OTOF: variants seen among roughly 807,000 people sequenced by gnomAD.
OTOF encodes fer-1-like family member 2.
In OTOF, 218 loss-of-function variants were observed where a neutral mutation model predicts 236.8. The ratio of observed to expected loss-of-function variants is 0.92; its 90% CI spans 0.82 to 1.03. The LOEUF is 1.03. Among genes scored for constraint, OTOF ranks in the 50% least tolerant of loss-of-function variants. OTOF has a pLI of 0.00. For missense variants in OTOF, 2,590 were observed against 2,694.4 expected, an observed-to-expected ratio of 0.96 and a Z score of 0.86; for synonymous variants, 1,041 against 1,072.5, an observed-to-expected ratio of 0.97 and a Z score of 0.57.
intron 39 of OTOF, among the ~76,000 whole-genome samples, 192 bp downstream of exon 39, chr2:26,464,677 A>AG (rs995635523): frequency 7.2e-5 from 11 of 152,028 alleles, no homozygotes; most frequent in African/African-American, 2.7e-4. Context: ...GCCCTGTAGG[A>AG]GGGGTGGAAG....
At chr2:26,468,910 G>C (rs1406386511) in intron 32 of OTOF, among the ~76,000 whole-genome samples, 1 of 152,108 alleles carries the variant, frequency 6.6e-6, no homozygotes, top group African/African-American at 2.4e-5. Context: ...GGTGGTGCTG[G>C]GGGAGAGGGG....
Position 26,461,769 on chromosome 2 carries a change from G to A in OTOF, c.5460C>T (p.Thr1820=), listed in dbSNP as rs148749290. The change falls in exon 43 of 47, where the codon ACC becomes ACT. Residue 1820 remains threonine, a synonymous_variant. Transcript: ENST00000272371. This position sits in a 1 kb window ranked among gnomAD's most constrained non-coding sequence, Gnocchi z 6.2. ...TGAGCCGCGCGGGGATCTTGTACTC[G>A]GTCTCGTCCCAGGAGAACATGGACT... ...KKESMFSWDE[T]EYKIPARLTL... 7.9e-5 allele frequency: 128 copies of A among 1,613,982 alleles called. No individual in the cohort carries two copies. Among genetic ancestry groups the A allele is most frequent in the Non-Finnish European group, 9.7e-5 (115 of 1,180,022 alleles).
At chr2:26,514,515 C>T (rs1666472184) in intron 5 of OTOF, among the ~76,000 whole-genome samples, 1 of 152,228 alleles carries the variant, frequency 6.6e-6, no homozygotes, top group South Asian at 2.1e-4. Flanking sequence ...GAGAAACTGG[C>T]TCTGTGTTGC....
chr2:26,470,900 AGT>A lies in OTOF; in HGVS notation c.3895-181_3895-180del, dbSNP rs1382358740. On this transcript the variant is annotated intron_variant, in intron 31 of 46. Transcript: ENST00000272371. This position sits in a 1 kb window ranked among gnomAD's most constrained non-coding sequence, Gnocchi z 4.3. ...ATGGAGAAGGTGCCACAGGCCACAG[AGT>A]GTTGTGACCTGCCAGTGCGATCCAC... is the stretch of plus-strand genomic sequence containing the variant. Among the ~76,000 whole-genome samples the A allele has an allele frequency of 1.3e-5, 2 of 152,092 alleles. No homozygotes were observed. The highest frequency in any genetic ancestry group is 2.9e-5 in the Non-Finnish European group (2 of 68,026).
intron 1 of OTOF, among the ~76,000 whole-genome samples, chr2:26,539,216 G>A (rs1667152689): frequency 6.6e-6 from 1 of 152,142 alleles, no homozygotes; most frequent in Admixed American, 6.5e-5. Context: ...GGATGGGATG[G>A]AACCACAAGA....
rs61740776 is a variant in OTOF, at chr2:26,473,257, T to C, written c.3608A>G (p.Asn1203Ser). The C allele has an allele frequency of 2.9e-3, 4,665 of 1,613,348 alleles. 105 individuals are homozygous for C. The African/African-American group carries it at 0.055, about 19-fold the overall frequency. ...GGCCCGGCAGTCCACCACACGGATG[T>C]TCAAGGGCGGGTGCAGCAGCTCGTT... ...PENELLHPPLNIRVVDCRAFG... is the reference protein window; with the variant it reads ...PENELLHPPLSIRVVDCRAFG... Residue 1203 changes from asparagine to serine, a missense_variant, in exon 29 of 47, where the codon AAC becomes AGC. By Grantham distance (46) the Asn-to-Ser change is conservative (BLOSUM62 1). Transcript: ENST00000272371. This position sits in a 1 kb window ranked among gnomAD's most constrained non-coding sequence, Gnocchi z 7.2.
chr2:26,507,957 G>A (rs924203217), intron 5 of OTOF, among the ~76,000 whole-genome samples: 9 of 152,176 alleles, frequency 5.9e-5, no homozygotes, highest in Non-Finnish European at 1.2e-4. Context: ...GTGCACACAG[G>A]GTCCTAGGTA....
chr2:26,486,408 C>T (rs1475842700), intron 11 of OTOF, among the ~76,000 whole-genome samples: 2 of 150,820 alleles, frequency 1.3e-5, no homozygotes, highest in Non-Finnish European at 3.0e-5. Flanking sequence ...GTGGGTGGAT[C>T]TGTGGACAGG....
chr2:26,465,671 C>G lies in OTOF; in HGVS notation c.4799+1G>C, dbSNP rs200147906. 3.7e-6 allele frequency: 6 copies of G among 1,614,020 alleles called. No individual in the cohort carries two copies. The highest frequency in any genetic ancestry group is 1.7e-5 in the Admixed American group (1 of 60,018). ...CGCCCTCTGCCCCATGCCCCACATA[C>G]GTGGAGTAGGTCTGGGCGATGCCGC... On this transcript the variant is annotated splice_donor_variant, in intron 38 of 46. Transcript: ENST00000272371. LOFTEE classifies it high-confidence loss of function.
chr2:26,515,242 G>A (rs896765746), intron 5 of OTOF, among the ~76,000 whole-genome samples: 16 of 152,248 alleles, frequency 1.1e-4, no homozygotes, highest in African/African-American at 3.1e-4. Context: ...TGGGTTTTCT[G>A]CTAAAGAGCC....
At chr2:26,539,156 G>C (rs1341302450) in intron 1 of OTOF, among the ~76,000 whole-genome samples, 1 of 152,006 alleles carries the variant, frequency 6.6e-6, no homozygotes, top group African/African-American at 2.4e-5. Context: ...GTACAATTTC[G>C]CACAAGAAAC....
intron 1 of OTOF, among the ~76,000 whole-genome samples, chr2:26,552,695 G>A (rs1358939017): frequency 1.3e-5 from 2 of 151,754 alleles, no homozygotes; most frequent in South Asian, 2.1e-4. Context: ...TCACTACGTG[G>A]GGCATTAGGC....
In OTOF at chr2:26,470,923, T is replaced by A. The variant is rs572836698; in HGVS notation, c.3894+198A>T. Among the ~76,000 whole-genome samples, 2 of 152,264 alleles carry A rather than the reference T, an allele frequency of 1.3e-5. No individual in the cohort carries two copies. Among genetic ancestry groups the A allele is most frequent in the East Asian group, 3.9e-4 (2 of 5,164 alleles). On this transcript the variant is annotated intron_variant, in intron 31 of 46. Coordinates refer to ENST00000272371, the MANE Select transcript of OTOF (RefSeq NM_194248.3). The surrounding 1 kb of genome is among the most constrained non-coding windows in gnomAD (Gnocchi z 4.3). Reference sequence around the variant, plus strand: ...AGAGTGTTGTGACCTGCCAGTGCGATCCACTCGCCCAAGCAGGACTGGCAC... The same window carrying A: ...AGAGTGTTGTGACCTGCCAGTGCGAACCACTCGCCCAAGCAGGACTGGCAC...
chr2:26,478,861 G>A (rs1665435499), intron 18 of OTOF, among the ~76,000 whole-genome samples: 1 of 152,144 alleles, frequency 6.6e-6, no homozygotes, highest in Admixed American at 6.5e-5. Flanking sequence ...ACCAAGCCCC[G>A]CTAATTTTTG....
intron 1 of OTOF, among the ~76,000 whole-genome samples, chr2:26,553,534 CTG>C (rs1667513051): frequency 6.6e-6 from 1 of 152,194 alleles, no homozygotes. Context: ...CATTTCACCT[CTG>C]TGTGTATGTT....
chr2:26,508,469 C>T (rs781047640), intron 5 of OTOF, among the ~76,000 whole-genome samples: 14 of 152,284 alleles, frequency 9.2e-5, no homozygotes, highest in South Asian at 2.1e-4. Flanking sequence ...CAAACTGGCC[C>T]GTTTGCACAT....
Position 26,476,289 on chromosome 2 carries a change from G to T in OTOF, c.2705C>A (p.Ala902Glu). Residue 902 changes from alanine to glutamate, a missense_variant, in exon 23 of 47, where the codon GCA becomes GAA. Transcript: ENST00000272371. ...KLPGKRGFGS[A>E]GWTVQAKVEL... ...CACCTTGGCCTGCACTGTCCAGCCT[G>T]CCGAGCCGAAGCCCCGCTTCCCTGG... 6.2e-7 allele frequency: 1 copy of T among 1,603,804 alleles called. No individual in the cohort carries two copies.
chr2:26,529,171 A>C lies in OTOF; in HGVS notation c.139-1251T>G, dbSNP rs562703933. Among the ~76,000 whole-genome samples the C allele has an allele frequency of 2.6e-5, 4 of 152,328 alleles. No individual in the cohort carries two copies. In the East Asian group the frequency reaches 7.7e-4, roughly 29 times the overall value. Reference sequence around the variant, plus strand: ...GATGGCCAGGGGTGAACAGGATGCCAGACTGGAGTAGGAAGCCCTTCTGGA... The same window carrying C: ...GATGGCCAGGGGTGAACAGGATGCCCGACTGGAGTAGGAAGCCCTTCTGGA... On this transcript the variant is annotated intron_variant, in intron 2 of 46. Transcript: ENST00000272371.
chr2:26,511,724 T>C (rs13014684), intron 5 of OTOF, among the ~76,000 whole-genome samples: 2 of 152,108 alleles, frequency 1.3e-5, no homozygotes, highest in East Asian at 3.9e-4. Flanking sequence ...GCTCACAGCA[T>C]AGGAGGAGGA....
Sources: allele counts gnomAD v4.1 joint callset (sites outside exome capture counted in the v4.1 genomes callset), GRCh38; gene constraint gnomAD v4.1.1; non-coding constraint Gnocchi (gnomAD v3.1); transcripts MANE v1.5; gene names NCBI Gene and HGNC (gene_info 2026-07-23, HGNC 2026-07-21).